PLXNA4: variants seen among roughly 807,000 people sequenced by gnomAD.
The protein encoded by PLXNA4 is plexin A4.
In PLXNA4, 44 loss-of-function variants were observed where a neutral mutation model predicts 191.8. The ratio of observed to expected loss-of-function variants is 0.23; its 90% CI spans 0.18 to 0.29. The LOEUF is 0.29. Ranked by LOEUF, PLXNA4 falls within the 10% of genes least tolerant of loss-of-function variation. The pLI is 1.00. For synonymous variants in PLXNA4, 1,082 were observed against 1,009.5 expected, an observed-to-expected ratio of 1.07 and a Z score of -1.36; for missense variants, 1,800 against 2,488.8, an observed-to-expected ratio of 0.72 and a Z score of 5.89.
chr7:132,466,698 C>A lies in PLXNA4; in HGVS notation c.1371+22594G>T, dbSNP rs530438538. Among the ~76,000 whole-genome samples the A allele has an allele frequency of 2.0e-5, 3 of 152,286 alleles. No homozygotes were observed. The South Asian group carries it at 6.2e-4, about 32-fold the overall frequency. On this transcript the variant is annotated intron_variant, in intron 3 of 31. Transcript: ENST00000321063. ...CCACAGCAATTCTCTTTATGTGTAA[C>A]CCCCTCCCTCGGGGGCAGTCTCTCC...
intron 2 of PLXNA4, among the ~76,000 whole-genome samples, chr7:132,608,778 G>A (rs1342385838): frequency 1.3e-5 from 2 of 152,142 alleles, no homozygotes; most frequent in Non-Finnish European, 2.9e-5. Flanking sequence ...GCAGCCAGAT[G>A]GATCTTCCCA....
At chr7:132,433,415 G>A (rs1446888163) in intron 3 of PLXNA4, among the ~76,000 whole-genome samples, 2 of 152,160 alleles carry the variant, frequency 1.3e-5, no homozygotes, top group African/African-American at 2.4e-5. Flanking sequence ...ACAGGTGGCT[G>A]GAGGTAAAAA....
rs571996523 is a variant in PLXNA4, at chr7:132,207,175, C to T, written c.2299-3756G>A. ...GCTGGTATGTACACTGTGTCCATCT[C>T]TAGTCCAGAGGGCTCTGCTGACCCC... On this transcript the variant is annotated intron_variant, in intron 10 of 31. Coordinates refer to ENST00000321063, the MANE Select transcript of PLXNA4 (RefSeq NM_020911.2). Among the ~76,000 whole-genome samples the T allele has an allele frequency of 6.6e-5, 10 of 152,358 alleles. No homozygotes were observed. The South Asian group carries it at 2.1e-3, about 32-fold the overall frequency.
chr7:132,461,781 A>G (rs1190057885), intron 3 of PLXNA4, among the ~76,000 whole-genome samples: 1 of 152,244 alleles, frequency 6.6e-6, no homozygotes, highest in Non-Finnish European at 1.5e-5. Flanking sequence ...TTTGAGGGAA[A>G]GAAAAATACT....
intron 3 of PLXNA4, among the ~76,000 whole-genome samples, chr7:132,428,548 T>G (rs771165480): frequency 2.6e-5 from 4 of 152,142 alleles, no homozygotes; most frequent in Non-Finnish European, 5.9e-5. Context: ...TTTATTATTT[T>G]GGGGTGATTA....
intron 1 of PLXNA4, among the ~76,000 whole-genome samples, chr7:132,536,528 C>T (rs561430602): frequency 6.6e-6 from 1 of 152,200 alleles, no homozygotes; most frequent in Non-Finnish European, 1.5e-5. Context: ...TCAGCCCCTG[C>T]AGGGCCCCCA....
intron 1 of PLXNA4, among the ~76,000 whole-genome samples, chr7:132,551,990 G>T (rs1265012048): frequency 2.0e-5 from 3 of 152,170 alleles, no homozygotes; most frequent in Non-Finnish European, 4.4e-5. Flanking sequence ...GTTGAAGGGG[G>T]TGGGGGGAAG....
chr7:132,190,034 C>T (rs1406465578), intron 14 of PLXNA4, among the ~76,000 whole-genome samples: 1 of 152,192 alleles, frequency 6.6e-6, no homozygotes, highest in Non-Finnish European at 1.5e-5. Context: ...TGCATATTTG[C>T]CTGTGGCAAC....
At chr7:132,509,943 T>C (rs1016144167) in intron 1 of PLXNA4, among the ~76,000 whole-genome samples, 25 of 152,170 alleles carry the variant, frequency 1.6e-4, no homozygotes, top group Non-Finnish European at 2.9e-5. Flanking sequence ...TAGCAGGGCC[T>C]CCTCTGAGAG....
chr7:132,450,678 A>G lies in PLXNA4; in HGVS notation c.1371+38614T>C, dbSNP rs147908998. Among the ~76,000 whole-genome samples the G allele has an allele frequency of 1.7e-3, 262 of 152,284 alleles. 1 individual carries two copies. The highest frequency in any genetic ancestry group is 6.1e-3 in the African/African-American group (254 of 41,554). ...ACTCCAGAATTCTTGGAGCAGAGGA[A>G]CCTGCTCAGCCTGCTATAGGAACAA... is the stretch of plus-strand genomic sequence containing the variant. On this transcript the variant is annotated intron_variant, in intron 3 of 31. Transcript: ENST00000321063.
chr7:132,464,793 T>C (rs1368611122), intron 3 of PLXNA4, among the ~76,000 whole-genome samples: 1 of 152,214 alleles, frequency 6.6e-6, no homozygotes, highest in Non-Finnish European at 1.5e-5. Context: ...AGGCATTCTA[T>C]GGCGCAAGCT....
chr7:132,502,978 C>T (rs1162481121), intron 2 of PLXNA4, among the ~76,000 whole-genome samples: 1 of 152,176 alleles, frequency 6.6e-6, no homozygotes, highest in African/African-American at 2.4e-5. Flanking sequence ...TTGAGGGACA[C>T]TCAGGTCAAG....
intron 14 of PLXNA4, among the ~76,000 whole-genome samples, chr7:132,190,127 C>T (rs938868274): frequency 6.6e-6 from 1 of 152,254 alleles, no homozygotes; most frequent in South Asian, 2.1e-4. Context: ...CTGTTCCCAT[C>T]TTTTGGTGCA....
rs1794777331 is a variant in PLXNA4, at chr7:132,126,692, A to AAAT, written c.*3784_*3786dup. The AAAT allele has an allele frequency of 6.6e-6, 1 of 151,874 alleles. No homozygotes were observed. Among genetic ancestry groups the AAAT allele is most frequent in the Admixed American group, 6.6e-5 (1 of 15,266 alleles). The allele number at this position is 151,874 out of a possible 1,614,324, so 9.4% of individuals were successfully genotyped here. A position where few individuals can be genotyped will look rare whatever the true frequency, so the allele number is the denominator to read the frequency against. ...TGCCTCAAACTTTGGGATTTATTTA[A>AAAT]AATAACTTCTCTTTCACTTGTAGCT... On this transcript the variant is annotated 3_prime_UTR_variant, in exon 32 of 32. Transcript: ENST00000321063.
intron 2 of PLXNA4, among the ~76,000 whole-genome samples, chr7:132,491,835 G>A (rs1004062536): frequency 6.6e-6 from 1 of 152,098 alleles, no homozygotes; most frequent in South Asian, 2.1e-4. Flanking sequence ...CCCTAAATAA[G>A]GAGATGGGGA....
chr7:132,431,809 G>A (rs942044645), intron 3 of PLXNA4, among the ~76,000 whole-genome samples: 8 of 152,312 alleles, frequency 5.3e-5, no homozygotes, highest in Middle Eastern at 3.4e-3. Flanking sequence ...AGTTAAATAA[G>A]GGTACGTGAG....
At chr7:132,246,804 CA>C (rs1483248123) in intron 4 of PLXNA4, among the ~76,000 whole-genome samples, 23 of 151,698 alleles carry the variant, frequency 1.5e-4, no homozygotes, top group Middle Eastern at 3.2e-3. Context: ...TCATCATCAT[CA>C]TCCTCATCAT....
At chr7:132,512,654 CCA>C (rs1317292026) in intron 1 of PLXNA4, among the ~76,000 whole-genome samples, 4 of 152,196 alleles carry the variant, frequency 2.6e-5, no homozygotes, top group Non-Finnish European at 5.9e-5. Context: ...CCAGGAACCA[CCA>C]CAGAGGTGAC....
chr7:132,519,150 G>T (rs1368765124), intron 1 of PLXNA4, among the ~76,000 whole-genome samples: 1 of 152,228 alleles, frequency 6.6e-6, no homozygotes, highest in African/African-American at 2.4e-5. Context: ...CTTCTTTCCA[G>T]CATCTCACTT....
Sources: allele counts gnomAD v4.1 joint callset (sites outside exome capture counted in the v4.1 genomes callset), GRCh38; gene constraint gnomAD v4.1.1; transcripts MANE v1.5; gene names NCBI Gene and HGNC (gene_info 2026-07-23, HGNC 2026-07-21).